Variants in VPS13C observed in about 807,000 individuals in gnomAD.
VPS13C encodes intermembrane lipid transfer protein VPS13C.
In VPS13C, 358 loss-of-function variants were observed where a neutral mutation model predicts 456.8. The observed-to-expected ratio is 0.78, with a 90% confidence interval of 0.72 to 0.86. VPS13C has a LOEUF of 0.86. Ranked by LOEUF, VPS13C falls within the 40% of genes least tolerant of loss-of-function variation. The pLI is 0.00. For synonymous variants in VPS13C, 1,578 were observed against 1,486.7 expected, an observed-to-expected ratio of 1.06 and a Z score of -1.41; for missense variants, 4,818 against 4,385.4, an observed-to-expected ratio of 1.10 and a Z score of -2.79.
rs188489708 is a variant in VPS13C at position 61,881,520 on chromosome 15, C to T, written c.9776+43G>A. On this transcript the variant is annotated intron_variant, in intron 71 of 84. Transcript: ENST00000644861. ...AAGATTTATTTTCAAAGTAGATTCT[C>T]ATTTTAAATTCTTTTAGAGAAACAG... The T allele has an allele frequency of 3.0e-4, 455 of 1,519,770 alleles. 2 individuals are homozygous for T. In the East Asian group the frequency reaches 0.01, roughly 35 times the overall value. 94.1% of individuals were successfully genotyped at this position (1,519,770 alleles called of 1,614,324 possible).
intron 42 of VPS13C, among the ~76,000 whole-genome samples, chr15:61,949,078 GACTA>G (rs1397113776): frequency 2.0e-5 from 3 of 152,124 alleles, no homozygotes; most frequent in Admixed American, 1.3e-4. Context: ...AAGTCTACCT[GACTA>G]ACTGAAACGG....
chr15:61,900,014 C>A (rs1294221819), intron 66 of VPS13C, among the ~76,000 whole-genome samples: 4 of 152,224 alleles, frequency 2.6e-5, no homozygotes, highest in African/African-American at 4.8e-5. Flanking sequence ...ACAAAAACCA[C>A]ATGATTGTCT....
rs533551737 is a variant in VPS13C at position 61,991,194 on chromosome 15, C to G, written c.1484-100G>C. 3.3e-6 allele frequency: 3 copies of G among 918,176 alleles called. No individual in the cohort carries two copies. The African/African-American group carries it at 5.0e-5, about 15-fold the overall frequency. The allele number at this position is 918,176 out of a possible 1,614,324, so 56.9% of individuals were successfully genotyped here. ...ACAAGTATCCTAAAATCAACAGACA[C>G]AAATGCTAAAGCAAAATTAGCCAGG... On this transcript the variant is annotated intron_variant, in intron 17 of 84. Coordinates refer to ENST00000644861, the MANE Select transcript of VPS13C (RefSeq NM_020821.3).
In VPS13C at chr15:61,880,686, C is replaced by T; in HGVS notation, c.9925G>A (p.Ala3309Thr). Residue 3309 changes from alanine (A) to threonine (T), a missense_variant, in exon 73 of 85, where the codon GCA becomes ACA. Ala to Thr is a moderately conservative substitution (Grantham distance 58). Coordinates refer to ENST00000644861, the MANE Select transcript of VPS13C (RefSeq NM_020821.3). ...GTCATTGAAGTCTCCATTAATTCTG[C>T]ATTTAGAGCATCAATATCTTGTTGG... ...LIQQDIDALN[A>T]ELMETSMTDM... 1 of 1,596,154 alleles carries T rather than the reference C, an allele frequency of 6.3e-7. No individual in the cohort carries two copies. The highest frequency in any genetic ancestry group is 8.5e-7 in the Non-Finnish European group (1 of 1,173,202).
At position 61,918,075 on chromosome 15, in the gene VPS13C, GC is replaced by G. The variant is rs2043529990; in HGVS notation, c.7760+60del. On this transcript the variant is annotated intron_variant, in intron 59 of 84. Transcript: ENST00000644861. ...AGTTAATAAAAATATGAAGTTATTT[GC>G]CAGAATATAAATCCCCAACTCAATA... 21 of 1,481,108 alleles carry G rather than the reference GC, an allele frequency of 1.4e-5. No individual in the cohort carries two copies. The African/African-American group carries it at 2.7e-4, about 19-fold the overall frequency. 91.7% of individuals were successfully genotyped at this position (1,481,108 alleles called of 1,614,324 possible).
At chr15:61,965,371 AAC>A (rs755708618) in intron 30 of VPS13C, among the ~76,000 whole-genome samples, 48 of 152,064 alleles carry the variant, frequency 3.2e-4, no homozygotes, top group Admixed American at 1.2e-3. Context: ...TTTAAAAAGA[AAC>A]ACAATATAGA....
intron 11 of VPS13C, 43 bp downstream of exon 11, chr15:62,012,996 G>A (rs777782050): frequency 1.1e-4 from 160 of 1,476,832 alleles, no homozygotes; most frequent in Non-Finnish European, 1.4e-4. Flanking sequence ...CAAATTTAGG[G>A]ATGGGAGTGA....
intron 35 of VPS13C, 29 bp from the exon 36 acceptor site, chr15:61,959,624 C>T: frequency 6.2e-7 from 1 of 1,601,074 alleles, no homozygotes; most frequent in Non-Finnish European, 8.5e-7. Context: ...TTACATAATG[C>T]ATAGATATAG....
At chr15:61,995,003 T>C (rs746897965) in intron 16 of VPS13C, among the ~76,000 whole-genome samples, 4 of 152,206 alleles carry the variant, frequency 2.6e-5, no homozygotes, top group African/African-American at 7.2e-5. Flanking sequence ...TGACTCCACA[T>C]TGTCCACCAC....
At chr15:61,988,264 G>T (rs1428690187) in intron 18 of VPS13C, among the ~76,000 whole-genome samples, 2 of 152,158 alleles carry the variant, frequency 1.3e-5, no homozygotes, top group African/African-American at 2.4e-5. Context: ...TCTCTATCTT[G>T]TTTTTGTTGA....
chr15:62,017,334 G>C (rs2047292263), intron 9 of VPS13C, among the ~76,000 whole-genome samples: 2 of 152,146 alleles, frequency 1.3e-5, no homozygotes, highest in African/African-American at 2.4e-5. Flanking sequence ...CATTGCTTTT[G>C]GTGTTTTAGA....
intron 16 of VPS13C, among the ~76,000 whole-genome samples, chr15:61,998,129 C>A (rs533550608): frequency 1.6e-4 from 24 of 152,282 alleles, no homozygotes; most frequent in Admixed American, 3.3e-4. Flanking sequence ...GTTCCAACCC[C>A]AAAACCTTTA....
intron 38 of VPS13C, 72 bp from the exon 39 acceptor site, chr15:61,952,052 A>G (rs1286577344): frequency 1.3e-6 from 2 of 1,518,134 alleles, no homozygotes; most frequent in Admixed American, 3.7e-5. Context: ...AGAATTTAAT[A>G]AGTATCCAGA....
chr15:61,899,663 A>G (rs1381167079), intron 66 of VPS13C, among the ~76,000 whole-genome samples: 2 of 150,504 alleles, frequency 1.3e-5, no homozygotes, highest in Non-Finnish European at 1.5e-5. Flanking sequence ...ATGGATTCAC[A>G]GCCGAATTCT....
intron 59 of VPS13C, 29 bp downstream of exon 59, chr15:61,918,107 A>G (rs202178026): frequency 6.3e-5 from 97 of 1,548,250 alleles, no homozygotes; most frequent in Non-Finnish European, 7.9e-5. Context: ...CAATACATTT[A>G]AAGTTTAATA....
At chr15:62,054,558 C>T (rs1001291501) in intron 1 of VPS13C, among the ~76,000 whole-genome samples, 1 of 151,980 alleles carries the variant, frequency 6.6e-6, no homozygotes, top group African/African-American at 2.4e-5. Context: ...ACATCACACA[C>T]CAGGGCCTGT....
intron 28 of VPS13C, 122 bp from the exon 29 acceptor site, chr15:61,967,569 A>T (rs2045417682): frequency 1.3e-6 from 1 of 759,514 alleles, no homozygotes; most frequent in Non-Finnish European, 2.1e-6. Flanking sequence ...GCATATTGTC[A>T]TAGCTATTAA....
In VPS13C at chr15:61,884,363, T is replaced by C. The variant is rs534818782; in HGVS notation, c.9342-94A>G. 95 of 1,326,072 alleles carry C rather than the reference T, an allele frequency of 7.2e-5. No individual in the cohort carries two copies. The African/African-American group carries it at 9.7e-4, about 14-fold the overall frequency. 82.1% of individuals were successfully genotyped at this position (1,326,072 alleles called of 1,614,324 possible). A position where few individuals can be genotyped will look rare whatever the true frequency, so the allele number is the denominator to read the frequency against. Reference sequence around the variant, plus strand: ...CAGATTATTGTAACTATTATTTTCCTATGAAAATTACATTGGTATAAGGGA... The same window carrying C: ...CAGATTATTGTAACTATTATTTTCCCATGAAAATTACATTGGTATAAGGGA... On this transcript the variant is annotated intron_variant, in intron 67 of 84. Coordinates refer to ENST00000644861, the MANE Select transcript of VPS13C (RefSeq NM_020821.3).
chr15:61,917,081 G>A (rs1044491990), intron 60 of VPS13C, among the ~76,000 whole-genome samples: 3 of 152,056 alleles, frequency 2.0e-5, no homozygotes, highest in African/African-American at 7.2e-5. Context: ...GTTTTCTTAT[G>A]TGTAAAATGG....
Sources: allele counts gnomAD v4.1 joint callset (sites outside exome capture counted in the v4.1 genomes callset), GRCh38; gene constraint gnomAD v4.1.1; transcripts MANE v1.5; gene names NCBI Gene and HGNC (gene_info 2026-07-23, HGNC 2026-07-21).